Variants in ADGRV1 observed in about 807,000 individuals in gnomAD.
ADGRV1 encodes G-protein coupled receptor 98.
A neutral mutation model predicts 596.2 loss-of-function variants in ADGRV1; 359 were observed. The ratio of observed to expected loss-of-function variants is 0.60; its 90% CI spans 0.55 to 0.66. The LOEUF (loss-of-function observed/expected upper bound fraction) is 0.66, where lower values mean the gene tolerates loss of function less well. ADGRV1 is among the 30% of genes least tolerant of loss of function. ADGRV1 has a pLI of 0.00. For missense variants in ADGRV1, 7,274 were observed against 7,575.6 expected (o/e 0.96, Z 1.48); for synonymous variants, 2,681 against 2,679.2 (o/e 1.00, Z -0.02).
chr5:90,823,855 C>G (rs555047552), intron 76 of ADGRV1, among the ~76,000 whole-genome samples: 3 of 152,052 alleles, frequency 2.0e-5, no homozygotes, highest in African/African-American at 4.8e-5. Context: ...GTAGGTTTAA[C>G]TTCTTTTATT....
At chr5:91,143,500 C>G (rs993316254) in intron 87 of ADGRV1, among the ~76,000 whole-genome samples, 1 of 152,212 alleles carries the variant, frequency 6.6e-6, no homozygotes, top group Non-Finnish European at 1.5e-5. Flanking sequence ...GTCCCTACGT[C>G]TGCTCAGCTC....
At chr5:90,754,253 T>A (rs966192217) in intron 54 of ADGRV1, among the ~76,000 whole-genome samples, 2 of 152,164 alleles carry the variant, frequency 1.3e-5, no homozygotes, top group Non-Finnish European at 2.9e-5. Flanking sequence ...AAAATAGTAA[T>A]TAGAATAATT....
intron 86 of ADGRV1, among the ~76,000 whole-genome samples, chr5:91,078,312 A>G (rs570319420): frequency 1.3e-5 from 2 of 152,282 alleles, no homozygotes; most frequent in African/African-American, 4.8e-5. Context: ...TAAAATTTCA[A>G]ATAGAGCAAA....
chr5:90,886,881 T>C (rs1484220209), intron 83 of ADGRV1, among the ~76,000 whole-genome samples: 2 of 152,224 alleles, frequency 1.3e-5, no homozygotes, highest in Non-Finnish European at 2.9e-5. Flanking sequence ...TACCTTTAAA[T>C]GATGCCATGA....
At chr5:90,938,147 T>C (rs1194529853) in intron 83 of ADGRV1, among the ~76,000 whole-genome samples, 1 of 152,186 alleles carries the variant, frequency 6.6e-6, no homozygotes, top group Non-Finnish European at 1.5e-5. Flanking sequence ...CTTGAACTCA[T>C]TGTGCATCTT....
intron 1 of ADGRV1, among the ~76,000 whole-genome samples, chr5:90,567,538 A>T (rs1244774086): frequency 6.6e-6 from 1 of 151,674 alleles, no homozygotes; most frequent in Middle Eastern, 3.4e-3. Context: ...TCAATTTTGG[A>T]TGTTCGTATC....
Position 90,711,240 on chromosome 5 carries a change from A to C in ADGRV1, c.8960A>C (p.Glu2987Ala). ...ACATTGGTAGCCCAGAGGAGCAGAG[A>C]ACCTCTTGGCCATGTTTCCTTATTT... ...SLTLVAQRSR[E>A]PLGHVSLFVY... Residue 2987 changes from glutamate (E) to alanine (A), a missense_variant, in exon 41 of 90, where the codon GAA (glutamate) becomes GCA (alanine). Physicochemically the swap from Glu to Ala is moderately radical, Grantham distance 107. Around this residue, in one of 5 missense-constraint regions of ADGRV1, gnomAD observed 3,643 missense variants for 3,809.2 expected, o/e 0.96. Coordinates refer to ENST00000405460, the MANE Select transcript of ADGRV1 (RefSeq NM_032119.4). 1 of 1,612,240 alleles carries C rather than the reference A, an allele frequency of 6.2e-7. No individual in the cohort carries two copies. The highest frequency in any genetic ancestry group is 8.5e-7 in the Non-Finnish European group (1 of 1,178,414).
intron 83 of ADGRV1, among the ~76,000 whole-genome samples, chr5:90,921,280 T>G (rs1304810391): frequency 1.3e-5 from 2 of 152,170 alleles, no homozygotes; most frequent in African/African-American, 2.4e-5. Context: ...CTATTTTTTG[T>G]TTTTTGTTTC....
chr5:90,897,387 T>G (rs1771432535), intron 83 of ADGRV1, among the ~76,000 whole-genome samples: 1 of 152,150 alleles, frequency 6.6e-6, no homozygotes, highest in Non-Finnish European at 1.5e-5. Context: ...TCACCAGCTA[T>G]AAAATTTGAA....
chr5:90,737,817 G>A (rs569498366), intron 50 of ADGRV1, among the ~76,000 whole-genome samples: 23 of 151,626 alleles, frequency 1.5e-4, no homozygotes, highest in South Asian at 1.0e-3. Flanking sequence ...TATATGTGTC[G>A]TTATTGGTAA....
chr5:90,827,873 A>G (rs906904592), intron 76 of ADGRV1, among the ~76,000 whole-genome samples: 2 of 152,244 alleles, frequency 1.3e-5, no homozygotes, highest in Non-Finnish European at 2.9e-5. Flanking sequence ...GGTTGGTTGT[A>G]TCATTTCATG....
chr5:90,950,471 G>A (rs764878578), intron 83 of ADGRV1, among the ~76,000 whole-genome samples: 17 of 151,876 alleles, frequency 1.1e-4, no homozygotes, highest in African/African-American at 1.2e-4. Flanking sequence ...ACAGGTGCCC[G>A]TCACCATGCC....
rs1763179648 is a variant in ADGRV1, at chr5:90,614,957, A to G, written c.145A>G (p.Thr49Ala). The G allele has an allele frequency of 1.3e-6, 2 of 1,581,822 alleles. No homozygotes were observed. The highest frequency in any genetic ancestry group is 2.3e-5 in the South Asian group (2 of 85,990). Residue 49 changes from threonine to alanine, a missense_variant, in exon 2 of 90, where the codon ACA becomes GCA. This residue lies in a region of ADGRV1 where 1,715 missense variants were observed against 1,708.8 expected (regional missense o/e 1.00). Coordinates refer to ENST00000405460, the MANE Select transcript of ADGRV1 (RefSeq NM_032119.4). ...ATTTGTTGTTAATGAAACAAGTACA[A>G]CAGTTATTCGTCTTATCATTGAAAG... Reference protein sequence around the residue: ...TEFVVNETSTTVIRLIIERIG... With the variant: ...TEFVVNETSTAVIRLIIERIG...
intron 87 of ADGRV1, among the ~76,000 whole-genome samples, chr5:91,117,909 T>C (rs1792992672): frequency 6.6e-6 from 1 of 152,030 alleles, no homozygotes; most frequent in African/African-American, 2.4e-5. Flanking sequence ...GAGGACTGAG[T>C]AGTATAAATA....
chr5:90,675,324 C>T lies in ADGRV1; in HGVS notation c.5192C>T (p.Thr1731Ile), dbSNP rs886044054. ...TLPASSVPHI[T>I]VEEEDGEIRL... is the part of the protein sequence containing the mutation. ...CCTGCAAGCAGCGTTCCACATATCA[C>T]TGTGGAGGAGGAAGATGGAGAAATC... The change falls in exon 24 of 90, where the codon ACT becomes ATT. Residue 1731 changes from threonine to isoleucine, a missense_variant. Physicochemically the swap from Thr to Ile is moderately conservative, Grantham distance 89. Coordinates refer to ENST00000405460, the MANE Select transcript of ADGRV1 (RefSeq NM_032119.4). 4.3e-6 allele frequency: 7 copies of T among 1,613,536 alleles called. No individual in the cohort carries two copies. The highest frequency in any genetic ancestry group is 2.7e-5 in the African/African-American group (2 of 74,896).
At chr5:90,730,339 G>A (rs1752396592) in intron 50 of ADGRV1, among the ~76,000 whole-genome samples, 1 of 152,160 alleles carries the variant, frequency 6.6e-6, no homozygotes, top group Non-Finnish European at 1.5e-5. Context: ...TATTAGTGAA[G>A]AATGAAAATA....
At chr5:90,614,170 AAAG>A in intron 1 of ADGRV1, 3 of 368,088 alleles carry the variant, frequency 8.2e-6, no homozygotes, top group Non-Finnish European at 1.5e-5. Context: ...AAAAAAAAAA[AAAG>A]AAAGTTGTCA....
chr5:90,672,361 T>C (rs1022073535), intron 21 of ADGRV1, among the ~76,000 whole-genome samples, 185 bp from the exon 22 acceptor site: 1 of 152,238 alleles, frequency 6.6e-6, no homozygotes, highest in Admixed American at 6.5e-5. Context: ...AGAAAATGAA[T>C]GATTGTAAAT....
At chr5:91,158,879 GGA>G (rs1796703230) in intron 89 of ADGRV1, among the ~76,000 whole-genome samples, 1 of 151,920 alleles carries the variant, frequency 6.6e-6, no homozygotes, top group Non-Finnish European at 1.5e-5. Flanking sequence ...ATGGATGGAT[GGA>G]TGGATGGATG....
Sources: allele counts gnomAD v4.1 joint callset (sites outside exome capture counted in the v4.1 genomes callset), GRCh38; gene constraint gnomAD v4.1.1; regional missense constraint gnomAD v4.1.1; transcripts MANE v1.5; gene names NCBI Gene and HGNC (gene_info 2026-07-23, HGNC 2026-07-21).